The following AOPEP variants were observed in gnomAD, a reference collection of about 807,000 sequenced individuals.
The protein encoded by AOPEP is aminopeptidase O (putative).
Under a neutral mutation model 98.1 loss-of-function variants are expected in AOPEP, and 77 were observed. That is an observed-to-expected ratio of 0.78 (90% confidence interval 0.65 to 0.95). AOPEP has a LOEUF of 0.95. AOPEP is among the 40% of genes least tolerant of loss of function. The pLI is 0.00. For missense variants in AOPEP, 1,024 were observed against 1,024.7 expected, an observed-to-expected ratio of 1.00 and a Z score of 0.01; for synonymous variants, 346 against 365.3, an observed-to-expected ratio of 0.95 and a Z score of 0.60.
the AOPEP span, among the ~76,000 whole-genome samples, chr9:95,139,539 T>C: frequency 2.0e-5 from 3 of 151,862 alleles, no homozygotes; most frequent in African/African-American, 7.3e-5. Context: ...CGGAACAGAG[T>C]GTGGGCCTCG....
At chr9:94,923,664 C>T (rs2053913692) in intron 5 of AOPEP, among the ~76,000 whole-genome samples, 1 of 152,190 alleles carries the variant, frequency 6.6e-6, no homozygotes, top group Non-Finnish European at 1.5e-5. Flanking sequence ...CTTTTACAGT[C>T]CAGATTTCAG....
intron 3 of AOPEP, among the ~76,000 whole-genome samples, chr9:94,774,360 T>C (rs1841611771): frequency 6.7e-6 from 1 of 149,696 alleles, no homozygotes; most frequent in Non-Finnish European, 1.5e-5. Context: ...ATATTTATTA[T>C]AGAAACTTTA....
chr9:94,826,046 A>AT (rs997681644), intron 5 of AOPEP, among the ~76,000 whole-genome samples: 227 of 148,468 alleles, frequency 1.5e-3, no homozygotes, highest in African/African-American at 4.3e-3. Context: ...AAGTTATTAG[A>AT]TTTTTTTTTT....
chr9:94,832,269 G>A (rs557606044), intron 5 of AOPEP, among the ~76,000 whole-genome samples: 3 of 152,230 alleles, frequency 2.0e-5, no homozygotes, highest in Admixed American at 1.3e-4. Flanking sequence ...AGAACAAACA[G>A]TTCACAGGAA....
At chr9:94,868,720 T>G (rs1278755826) in intron 5 of AOPEP, among the ~76,000 whole-genome samples, 2 of 152,210 alleles carry the variant, frequency 1.3e-5, no homozygotes, top group Admixed American at 1.3e-4. Context: ...CACAGGCCAA[T>G]GCAGTGGAAG....
intron 2 of AOPEP, among the ~76,000 whole-genome samples, chr9:94,769,620 CAG>C (rs1212292474): frequency 5.9e-5 from 9 of 152,120 alleles, no homozygotes; most frequent in African/African-American, 1.7e-4. Context: ...TCTACATGTT[CAG>C]AGTTATAGCT....
chr9:95,063,372 C>T (rs1002653445), intron 14 of AOPEP, among the ~76,000 whole-genome samples: 1 of 152,168 alleles, frequency 6.6e-6, no homozygotes, highest in Non-Finnish European at 1.5e-5. Flanking sequence ...TGACCTCTTT[C>T]CCCCAGGAAG....
At chr9:94,742,847 T>C (rs1288704415) in intron 1 of AOPEP, among the ~76,000 whole-genome samples, 1 of 152,192 alleles carries the variant, frequency 6.6e-6, no homozygotes, top group Non-Finnish European at 1.5e-5. Context: ...TGATCTATTT[T>C]TATTATATTT....
At chr9:95,058,494 A>G (rs7039768) in intron 13 of AOPEP, among the ~76,000 whole-genome samples, 136,823 of 152,224 alleles carry the variant, frequency 0.9, 62,296 homozygotes, top group Non-Finnish European at 0.97. Flanking sequence ...GCCGAGAATC[A>G]CTTCTCTGTG....
chr9:95,067,840 C>CA (rs2068071349), intron 14 of AOPEP, among the ~76,000 whole-genome samples: 1 of 152,178 alleles, frequency 6.6e-6, no homozygotes. Context: ...CTTTGGCTGT[C>CA]ATCCCTAGCT....
intron 11 of AOPEP, among the ~76,000 whole-genome samples, chr9:94,995,352 C>T (rs143941756): frequency 5.2e-4 from 79 of 152,294 alleles, no homozygotes; most frequent in Non-Finnish European, 7.2e-4. Flanking sequence ...TTACCATGTG[C>T]ACCATCTCAT....
chr9:94,999,123 G>C (rs1286611609), intron 11 of AOPEP, among the ~76,000 whole-genome samples: 1 of 151,192 alleles, frequency 6.6e-6, no homozygotes, highest in African/African-American at 2.4e-5. Context: ...CCCATCCAAA[G>C]AGAAAAAGGA....
intron 5 of AOPEP, among the ~76,000 whole-genome samples, chr9:94,823,911 G>A (rs950762120): frequency 2.6e-5 from 4 of 152,172 alleles, no homozygotes; most frequent in African/African-American, 7.2e-5. Context: ...AGATAGTCAC[G>A]TGACGTTGAA....
At position 94,822,585 on chromosome 9, in the gene AOPEP, G is replaced by A. The variant is rs187604876; in HGVS notation, c.1364+21583G>A. On this transcript the variant is annotated intron_variant, in intron 5 of 16. Transcript: ENST00000375315. ...GATAATCCCAACAGCTTTGAGTTCC[G>A]TTTTTATAACTTCTATTTTCCTATT... Among the ~76,000 whole-genome samples, 106 of 152,156 alleles carry A rather than the reference G, an allele frequency of 7.0e-4. No homozygotes were observed. The East Asian group carries it at 0.018, about 25-fold the overall frequency.
chr9:95,012,733 C>G (rs1343057772), intron 13 of AOPEP, among the ~76,000 whole-genome samples: 1 of 151,962 alleles, frequency 6.6e-6, no homozygotes, highest in African/African-American at 2.4e-5. Flanking sequence ...TCTGTGCCCA[C>G]AGAAGAGTTA....
chr9:95,125,145 CTA>C, the AOPEP span: 1 of 1,614,230 alleles, frequency 6.2e-7, no homozygotes, highest in Middle Eastern at 1.6e-4. Context: ...TGAATAGTGG[CTA>C]TGATTTCCAG....
At chr9:95,108,908 CCT>C in the AOPEP span, among the ~76,000 whole-genome samples, 2 of 131,950 alleles carry the variant, frequency 1.5e-5, no homozygotes, top group East Asian at 5.5e-4. Context: ...CTCTTCAAGA[CCT>C]TTTTTTTTTT....
At chr9:94,976,302 A>G (rs1184013510) in intron 10 of AOPEP, among the ~76,000 whole-genome samples, 2 of 152,090 alleles carry the variant, frequency 1.3e-5, no homozygotes, top group Non-Finnish European at 2.9e-5. Flanking sequence ...ACTTAATAAC[A>G]TTCCAGGGCT....
chr9:94,855,241 C>G (rs2044037448), intron 5 of AOPEP, among the ~76,000 whole-genome samples: 1 of 152,008 alleles, frequency 6.6e-6, no homozygotes, highest in African/African-American at 2.4e-5. Context: ...CCACGCCTGG[C>G]TAATTTTTGT....
Sources: gnomAD v4.1 joint callset for allele counts (sites outside exome capture counted in the v4.1 genomes callset) on GRCh38, gnomAD v4.1.1 for gene constraint, MANE v1.5 for transcripts, NCBI Gene and HGNC (gene_info 2026-07-23, HGNC 2026-07-21) for gene names.